The following PPP1R16A variants were observed in gnomAD, a reference collection of about 807,000 sequenced individuals.
PPP1R16A encodes the protein protein phosphatase 1 regulatory subunit 16A, also known as myosin phosphatase-targeting subunit 3.
PPP1R16A carries 39 observed loss-of-function variants against 46.6 expected under a neutral mutation model. The ratio of observed to expected loss-of-function variants is 0.84; its 90% CI spans 0.65 to 1.09. PPP1R16A has a LOEUF of 1.09. Ranked by LOEUF, PPP1R16A falls within the 50% of genes least tolerant of loss-of-function variation. PPP1R16A has a pLI of 0.00. For missense variants in PPP1R16A, 798 were observed against 735.6 expected, an observed-to-expected ratio of 1.08 and a Z score of -0.98; for synonymous variants, 413 against 321.5, an observed-to-expected ratio of 1.28 and a Z score of -3.04.
Position 144,493,088 on chromosome 8 carries a change from G to T in PPP1R16A, c.-735+2876G>T, listed in dbSNP as rs1046659132. Among the ~76,000 whole-genome samples, 1 of 152,122 alleles carries T rather than the reference G, an allele frequency of 6.6e-6. No homozygotes were observed. Among genetic ancestry groups the T allele is most frequent in the Non-Finnish European group, 1.5e-5 (1 of 67,982 alleles). ...CGGGCCTGGAGCTGTCCTCACGGGG[G>T]CTCCTGGGAGCTTGGGCTGGGCCTC... On this transcript the variant is annotated intron_variant, in intron 2 of 11. Coordinates refer to ENST00000435887, the MANE Select transcript of PPP1R16A (RefSeq NM_001329443.2). This position sits in a 1 kb window ranked among gnomAD's most constrained non-coding sequence, Gnocchi z 4.3.
At position 144,501,042 on chromosome 8, in the gene PPP1R16A, G is replaced by C. The variant is rs774189700; in HGVS notation, c.1037+71G>C. On this transcript the variant is annotated intron_variant, in intron 10 of 11. Transcript: ENST00000435887. ...GACGTCAGCCCCGGGCGGAGTGCCA[G>C]CCGAACTGGGGGCAGAGTCCGAGGG... The C allele has an allele frequency of 4.6e-6, 7 of 1,520,498 alleles. No individual in the cohort carries two copies. In the African/African-American group the frequency reaches 5.5e-5, roughly 12 times the overall value. 94.2% of individuals were successfully genotyped at this position (1,520,498 alleles called of 1,614,324 possible). A position where few individuals can be genotyped will look rare whatever the true frequency, so the allele number is the denominator to read the frequency against.
chr8:144,499,830 A>T, intron 5 of PPP1R16A: 1 of 450,162 alleles, frequency 2.2e-6, no homozygotes, highest in Non-Finnish European at 4.1e-6. Flanking sequence ...CATCCAATGC[A>T]TGTTTATGGG....
In PPP1R16A at chr8:144,497,256, A is replaced by AG; in HGVS notation, c.63dup (p.Arg22AlafsTer20). ...ATGGTGGGCAGGATGAGCACACAGGAGCGGCTGAAGCATGCCCAGAAGCGG... is the reference window on the plus strand; with the variant it reads ...ATGGTGGGCAGGATGAGCACACAGGAGGCGGCTGAAGCATGCCCAGAAGCGG... On this transcript the variant is annotated frameshift_variant, in exon 3 of 12. Coordinates refer to ENST00000435887, the MANE Select transcript of PPP1R16A (RefSeq NM_001329443.2). LOFTEE classifies it high-confidence loss of function. 1 of 1,608,552 alleles carries AG rather than the reference A, an allele frequency of 6.2e-7. No individual in the cohort carries two copies. The highest frequency in any genetic ancestry group is 8.5e-7 in the Non-Finnish European group (1 of 1,178,286).
chr8:144,498,944 T>C lies in PPP1R16A; in HGVS notation c.359T>C (p.Val120Ala), dbSNP rs1334212018. 1 of 1,612,678 alleles carries C rather than the reference T, an allele frequency of 6.2e-7. No individual in the cohort carries two copies. The highest frequency in any genetic ancestry group is 8.5e-7 in the Non-Finnish European group (1 of 1,179,888). ...TGCATTGATGATTTCCGAGAGATGG[T>C]GCAGCAGCTCCTGGAGGCTGGGGCC... Reference protein sequence around the residue: ...QCCIDDFREMVQQLLEAGANI... With the variant: ...QCCIDDFREMAQQLLEAGANI... Residue 120 changes from valine to alanine, a missense_variant, in exon 5 of 12, where the codon GTG becomes GCG. Coordinates refer to ENST00000435887, the MANE Select transcript of PPP1R16A (RefSeq NM_001329443.2).
At chr8:144,483,101 G>A (rs751603450) in intron 1 of PPP1R16A, among the ~76,000 whole-genome samples, 5 of 152,162 alleles carry the variant, frequency 3.3e-5, no homozygotes, top group Non-Finnish European at 4.4e-5. Flanking sequence ...TTTCTTTTGC[G>A]TATGTACCCA....
intron 9 of PPP1R16A, 37 bp downstream of exon 9, chr8:144,500,798 G>A (rs1414793481): frequency 1.2e-6 from 2 of 1,603,668 alleles, no homozygotes; most frequent in East Asian, 2.2e-5. Flanking sequence ...TGGGGGAGAG[G>A]ACAGGCGGGG....
At chr8:144,487,163 A>G (rs1825652272) in intron 1 of PPP1R16A, among the ~76,000 whole-genome samples, 1 of 151,666 alleles carries the variant, frequency 6.6e-6, no homozygotes, top group Non-Finnish European at 1.5e-5. Flanking sequence ...AATTTTTTGT[A>G]TTTCTAGTAG....
At chr8:144,489,695 C>G (rs906839577) in intron 1 of PPP1R16A, among the ~76,000 whole-genome samples, 1 of 152,176 alleles carries the variant, frequency 6.6e-6, no homozygotes, top group African/African-American at 2.4e-5. Flanking sequence ...TGCTGATGTG[C>G]ATCCTGCAAC....
intron 5 of PPP1R16A, 94 bp downstream of exon 5, chr8:144,499,155 T>C (rs1402370466): frequency 7.0e-7 from 1 of 1,418,694 alleles, no homozygotes; most frequent in Admixed American, 2.4e-5. Flanking sequence ...GCTCTCGGCC[T>C]CCTGTGTTCC....
In PPP1R16A at chr8:144,500,269, A is replaced by T; in HGVS notation, c.583A>T (p.Ile195Phe). 6.4e-7 allele frequency: 1 copy of T among 1,557,738 alleles called. No homozygotes were observed. The highest frequency in any genetic ancestry group is 1.4e-5 in the African/African-American group (1 of 73,486). The part of the protein sequence containing the change: ...CLETAMADRG[I>F]TQDSIEAARA... ...CCTCTGAGCCTGCCGCCTCGCAGGC[A>T]TCACCCAGGACAGCATCGAGGCCGC... The change falls in exon 7 of 12, where the codon ATC becomes TTC. Residue 195 changes from isoleucine (I) to phenylalanine (F), a missense_variant and splice_region_variant. Transcript: ENST00000435887.
chr8:144,498,871 G>A, intron 4 of PPP1R16A, 31 bp downstream of exon 4: 3 of 1,612,524 alleles, frequency 1.9e-6, no homozygotes, highest in Non-Finnish European at 2.5e-6. Context: ...GGCAGGGTGG[G>A]GGCTGGCCCC....
rs964441572 is a variant in PPP1R16A at position 144,497,167 on chromosome 8, G to A, written c.-28G>A. On this transcript the variant is annotated 5_prime_UTR_variant, in exon 3 of 12. Transcript: ENST00000435887. ...CAAGCTCCCCACTCTGGTGCCCCGAGCAGCCCTGTGGGCAAGCAGCCGCCG... is the reference window on the plus strand; with the variant it reads ...CAAGCTCCCCACTCTGGTGCCCCGAACAGCCCTGTGGGCAAGCAGCCGCCG... The A allele has an allele frequency of 1.9e-6, 3 of 1,544,286 alleles. No homozygotes were observed. The highest frequency in any genetic ancestry group is 2.6e-6 in the Non-Finnish European group (3 of 1,147,712).
chr8:144,500,932 C>T lies in PPP1R16A; in HGVS notation c.998C>T (p.Ser333Phe). The T allele has an allele frequency of 6.6e-7, 1 of 1,509,028 alleles. No homozygotes were observed. The highest frequency in any genetic ancestry group is 8.8e-7 in the Non-Finnish European group (1 of 1,134,146). 93.5% of individuals were successfully genotyped at this position (1,509,028 alleles called of 1,614,324 possible). A position where few individuals can be genotyped will look rare whatever the true frequency, so the allele number is the denominator to read the frequency against. The change falls in exon 10 of 12, where the codon TCC becomes TTC. Residue 333 changes from serine (S) to phenylalanine (F), a missense_variant. Transcript: ENST00000435887. Reference protein sequence around the residue: ...ALLRAQSRQRSLLRRRTSSAG... With the variant: ...ALLRAQSRQRFLLRRRTSSAG... Reference sequence around the variant, plus strand: ...CTGCGCGCCCAGAGCCGCCAGCGCTCCTTGCTGCGCCGCCGCACCTCCAGC... The same window carrying T: ...CTGCGCGCCCAGAGCCGCCAGCGCTTCTTGCTGCGCCGCCGCACCTCCAGC...
In PPP1R16A at chr8:144,500,721, C is replaced by T. The variant is rs751737148; in HGVS notation, c.867C>T (p.Ala289=). 6.4e-5 allele frequency: 103 copies of T among 1,611,638 alleles called. No individual in the cohort carries two copies. The highest frequency in any genetic ancestry group is 7.0e-5 in the Non-Finnish European group (83 of 1,179,686). ...PLVELLVAHG[A]DLNAKSLMDE... Reference sequence around the variant, plus strand: ...TGGAGCTGCTCGTGGCGCACGGGGCCGACCTGAACGCAAAGTCCCTGATGG... The same window carrying T: ...TGGAGCTGCTCGTGGCGCACGGGGCTGACCTGAACGCAAAGTCCCTGATGG... The change falls in exon 9 of 12, where the codon GCC becomes GCT. Residue 289 remains alanine (A), a synonymous_variant. Transcript: ENST00000435887.
At chr8:144,496,268 G>A (rs547660437) in intron 2 of PPP1R16A, 193 bp from the exon 3 acceptor site, 1 of 152,436 alleles carries the variant, frequency 6.6e-6, no homozygotes, top group African/African-American at 2.4e-5. Flanking sequence ...GGCAGAATGG[G>A]GGCAGAGTAG....
In PPP1R16A at chr8:144,501,830, C is replaced by T; in HGVS notation, c.1514C>T (p.Pro505Leu). The T allele has an allele frequency of 1.9e-6, 3 of 1,550,484 alleles. No homozygotes were observed. The highest frequency in any genetic ancestry group is 2.6e-6 in the Non-Finnish European group (3 of 1,148,738). The part of the protein sequence containing the change: ...PDCGFRAGGD[P>L]PLLKLTAPAV... ...TGTGGCTTCAGGGCAGGCGGGGACC[C>T]ACCCCTGCTCAAGCTCACAGCCCCG... The change falls in exon 12 of 12, where the codon CCA becomes CTA. Residue 505 changes from proline (P) to leucine (L), a missense_variant. Pro to Leu is a moderately conservative substitution (Grantham distance 98). Coordinates refer to ENST00000435887, the MANE Select transcript of PPP1R16A (RefSeq NM_001329443.2).
intron 1 of PPP1R16A, among the ~76,000 whole-genome samples, chr8:144,482,294 G>A (rs1825465233): frequency 6.6e-6 from 1 of 152,192 alleles, no homozygotes; most frequent in Non-Finnish European, 1.5e-5. Context: ...ACTACCTGAA[G>A]TGATCTGCCT....
chr8:144,496,097 A>C (rs1826048597), intron 2 of PPP1R16A: 1 of 152,232 alleles, frequency 6.6e-6, no homozygotes, highest in Non-Finnish European at 1.5e-5. Flanking sequence ...AAAGCCCTCA[A>C]GGCTGTTCCA....
At chr8:144,488,381 A>G (rs1054026717) in intron 1 of PPP1R16A, among the ~76,000 whole-genome samples, 2 of 152,094 alleles carry the variant, frequency 1.3e-5, no homozygotes, top group Admixed American at 6.6e-5. Context: ...CTATGTTCAG[A>G]GTCACTGGGG....
Sources: allele counts gnomAD v4.1 joint callset (sites outside exome capture counted in the v4.1 genomes callset), GRCh38; gene constraint gnomAD v4.1.1; non-coding constraint Gnocchi (gnomAD v3.1); transcripts MANE v1.5; gene names NCBI Gene and HGNC (gene_info 2026-07-23, HGNC 2026-07-21).